Variants in ADAMTS16 observed in about 807,000 individuals in gnomAD.
The protein encoded by ADAMTS16 is A disintegrin and metalloproteinase with thrombospondin motifs 16.
ADAMTS16 carries 94 observed loss-of-function variants against 145.8 expected under a neutral mutation model. That is an observed-to-expected ratio of 0.64 (90% CI 0.55 to 0.77). ADAMTS16 has a LOEUF of 0.77. Ranked by LOEUF, ADAMTS16 falls within the 30% of genes least tolerant of loss-of-function variation. The probability of loss-of-function intolerance (pLI) is 0.00; values close to 1 mark genes in which losing one functional copy is unlikely to be tolerated. For missense variants in ADAMTS16, 1,585 were observed against 1,591.5 expected, an observed-to-expected ratio of 1.00 and a Z score of 0.07; for synonymous variants, 659 against 604.3, an observed-to-expected ratio of 1.09 and a Z score of -1.33.
intron 9 of ADAMTS16, among the ~76,000 whole-genome samples, chr5:5,206,951 C>T (rs186475695): frequency 0.014 from 2,192 of 152,172 alleles, 61 homozygotes; most frequent in African/African-American, 0.049. Context: ...TTTGTCCATT[C>T]TTTGTAACTT....
At chr5:5,303,200 A>G in intron 18 of ADAMTS16, 68 bp from the exon 19 acceptor site, 2 of 1,439,730 alleles carry the variant, frequency 1.4e-6, no homozygotes, top group Non-Finnish European at 1.8e-6. Context: ...CCTCCACATC[A>G]GATGTGGGGC....
chr5:5,201,959 G>A (rs972702753), intron 9 of ADAMTS16, among the ~76,000 whole-genome samples: 9 of 151,062 alleles, frequency 6.0e-5, no homozygotes, highest in Admixed American at 2.0e-4. Flanking sequence ...TTAATTAATA[G>A]AGCTCTTTTT....
chr5:5,155,150 CT>C (rs559289938), intron 3 of ADAMTS16, among the ~76,000 whole-genome samples: 3 of 152,084 alleles, frequency 2.0e-5, no homozygotes, highest in Non-Finnish European at 4.4e-5. Flanking sequence ...TGGATATGAC[CT>C]TTTTTTCCTC....
At chr5:5,276,211 T>G (rs1364495272) in intron 18 of ADAMTS16, among the ~76,000 whole-genome samples, 1 of 152,222 alleles carries the variant, frequency 6.6e-6, no homozygotes, top group Non-Finnish European at 1.5e-5. Context: ...GGAGTGTGGT[T>G]ATATTTGGAT....
chr5:5,211,158 G>A (rs1187585293), intron 10 of ADAMTS16, among the ~76,000 whole-genome samples: 1 of 152,052 alleles, frequency 6.6e-6, no homozygotes, highest in Non-Finnish European at 1.5e-5. Flanking sequence ...GTAAAAGATT[G>A]GTGTTGTTTC....
Position 5,224,547 on chromosome 5 carries a change from C to T in ADAMTS16, c.1701+1663C>T, listed in dbSNP as rs1579322668. On this transcript the variant is annotated intron_variant, in intron 11 of 22. Transcript: ENST00000274181. ...CTCGTGATCCACCTGCCTGAGCCTCCCAAAGTGCTGGGATTACAGGTGTGA... is the reference window on the plus strand; with the variant it reads ...CTCGTGATCCACCTGCCTGAGCCTCTCAAAGTGCTGGGATTACAGGTGTGA... Among the ~76,000 whole-genome samples, 7 of 152,236 alleles carry T rather than the reference C, an allele frequency of 4.6e-5. No homozygotes were observed. In the South Asian group the frequency reaches 1.5e-3, roughly 32 times the overall value.
chr5:5,237,581 G>A (rs143066211), intron 14 of ADAMTS16, among the ~76,000 whole-genome samples: 5 of 152,278 alleles, frequency 3.3e-5, no homozygotes, highest in Admixed American at 6.5e-5. Context: ...AAGGAGTTGG[G>A]ATTTTTATCC....
At chr5:5,252,570 C>G (rs990702828) in intron 17 of ADAMTS16, among the ~76,000 whole-genome samples, 7 of 152,114 alleles carry the variant, frequency 4.6e-5, no homozygotes, top group Non-Finnish European at 1.0e-4. Flanking sequence ...GACCGCCCCC[C>G]TCATATGACT....
rs777521397 is a variant in ADAMTS16, at chr5:5,186,104, G to A, written c.816G>A (p.Lys272=). The change falls in exon 5 of 23, where the codon AAG becomes AAA. Residue 272 remains lysine (K), a synonymous_variant. Transcript: ENST00000274181. ...EDLFILPDEY[K]SCLRHKRSLL... Reference sequence around the variant, plus strand: ...TCTTCATCTTGCCAGATGAGTATAAGTCTTGCTTACGGCATAAGCGCTCTC... The same window carrying A: ...TCTTCATCTTGCCAGATGAGTATAAATCTTGCTTACGGCATAAGCGCTCTC... 11 of 1,613,940 alleles carry A rather than the reference G, an allele frequency of 6.8e-6. No homozygotes were observed. In the East Asian group the frequency reaches 2.2e-4, roughly 33 times the overall value.
chr5:5,239,458 C>T (rs1185142715), intron 15 of ADAMTS16, among the ~76,000 whole-genome samples, 184 bp downstream of exon 15: 1 of 152,198 alleles, frequency 6.6e-6, no homozygotes, highest in Non-Finnish European at 1.5e-5. Context: ...GAGTTATTTG[C>T]AATAAAATTG....
chr5:5,305,042 AC>A (rs1257460422), intron 20 of ADAMTS16, among the ~76,000 whole-genome samples: 1 of 54,296 alleles, frequency 1.8e-5, no homozygotes, highest in African/African-American at 7.3e-5. Flanking sequence ...TCCATCCCAC[AC>A]CACACACACA....
intron 21 of ADAMTS16, among the ~76,000 whole-genome samples, chr5:5,307,656 G>A (rs1740234320): frequency 6.6e-6 from 1 of 152,186 alleles, no homozygotes; most frequent in Non-Finnish European, 1.5e-5. Context: ...CCTGTGTGCT[G>A]GCGCTGCTCT....
intron 9 of ADAMTS16, among the ~76,000 whole-genome samples, chr5:5,203,285 G>A (rs1182115847): frequency 2.6e-5 from 4 of 152,194 alleles, no homozygotes; most frequent in Non-Finnish European, 4.4e-5. Context: ...CTTCTATAGT[G>A]TGTTAAATCT....
chr5:5,224,576 A>G (rs903633087), intron 11 of ADAMTS16, among the ~76,000 whole-genome samples: 7 of 152,188 alleles, frequency 4.6e-5, no homozygotes, highest in Non-Finnish European at 1.0e-4. Context: ...GGTGTGAGCC[A>G]CCACATCCGG....
At chr5:5,194,500 G>C (rs1331233932) in intron 8 of ADAMTS16, among the ~76,000 whole-genome samples, 2 of 152,184 alleles carry the variant, frequency 1.3e-5, no homozygotes, top group Non-Finnish European at 2.9e-5. Context: ...CAGCAAATGT[G>C]TATGAATGGA....
At chr5:5,200,383 T>C in intron 9 of ADAMTS16, 114 bp downstream of exon 9, 1 of 1,370,522 alleles carries the variant, frequency 7.3e-7, no homozygotes, top group Non-Finnish European at 1.0e-6. Context: ...GTGGTTCCCT[T>C]TGAAGGTGTC....
chr5:5,307,368 TCTC>T (rs1740220753), intron 21 of ADAMTS16, among the ~76,000 whole-genome samples: 1 of 152,154 alleles, frequency 6.6e-6, no homozygotes, highest in Non-Finnish European at 1.5e-5. Context: ...CTTCATCTGG[TCTC>T]CTTTTCCCAT....
At chr5:5,192,318 C>G (rs929514174) in intron 8 of ADAMTS16, among the ~76,000 whole-genome samples, 29 of 152,158 alleles carry the variant, frequency 1.9e-4, no homozygotes, top group African/African-American at 6.5e-4. Flanking sequence ...ATTCCTCTGT[C>G]CCGTGTTTTG....
At chr5:5,312,374 A>T (rs1273281866) in intron 21 of ADAMTS16, among the ~76,000 whole-genome samples, 1 of 152,014 alleles carries the variant, frequency 6.6e-6, no homozygotes, top group Non-Finnish European at 1.5e-5. Context: ...GACAAAAAGT[A>T]TCAGTAGCTA....
Sources: gnomAD v4.1 joint callset for allele counts (sites outside exome capture counted in the v4.1 genomes callset) on GRCh38, gnomAD v4.1.1 for gene constraint, MANE v1.5 for transcripts, NCBI Gene and HGNC (gene_info 2026-07-23, HGNC 2026-07-21) for gene names.